MPI: variants seen among roughly 807,000 people sequenced by gnomAD.
MPI encodes mannose phosphate isomerase.
A neutral mutation model predicts 40.1 loss-of-function variants in MPI; 33 were observed. That is an observed-to-expected ratio of 0.82 (90% CI 0.62 to 1.10). MPI has a LOEUF of 1.10. Ranked by LOEUF, MPI falls within the 50% of genes least tolerant of loss-of-function variation. The pLI is 0.00. For missense variants in MPI, 514 were observed against 524.1 expected, an observed-to-expected ratio of 0.98 and a Z score of 0.19; for synonymous variants, 187 against 207.4, an observed-to-expected ratio of 0.90 and a Z score of 0.85.
chr15:74,893,033 G>T, intron 4 of MPI, 105 bp from the exon 5 acceptor site: 1 of 1,479,932 alleles, frequency 6.8e-7, no homozygotes. Context: ...AGCATTGCCG[G>T]CTCTTTGGTT....
Position 74,898,447 on chromosome 15 carries a change from T to G in MPI, c.*717T>G, listed in dbSNP as rs2064855981. The G allele has an allele frequency of 6.1e-6, 1 of 163,556 alleles. No individual in the cohort carries two copies. 10.1% of individuals were successfully genotyped at this position (163,556 alleles called of 1,614,324 possible). Reference sequence around the variant, plus strand: ...ACAGCTTGCAAGCAGGCCTTGGGTCTGCCCAGAGGCACAGCTTGCAAGCAG... The same window carrying G: ...ACAGCTTGCAAGCAGGCCTTGGGTCGGCCCAGAGGCACAGCTTGCAAGCAG... On this transcript the variant is annotated 3_prime_UTR_variant, in exon 8 of 8. Transcript: ENST00000352410.
At position 74,897,251 on chromosome 15, in the gene MPI, TG is replaced by T. The variant is rs750352284; in HGVS notation, c.1053+33del. On this transcript the variant is annotated intron_variant, in intron 7 of 7. Coordinates refer to ENST00000352410, the MANE Select transcript of MPI (RefSeq NM_002435.3). ...GAGGGGCTATGATGGGTGTCCTTCG[TG>T]TGCCATGAAAATCTCTGGCAAGGGT... 5.0e-6 allele frequency: 8 copies of T among 1,606,864 alleles called. No individual in the cohort carries two copies. In the African/African-American group the frequency reaches 1.1e-4, roughly 21 times the overall value.
intron 6 of MPI, 57 bp downstream of exon 6, chr15:74,896,382 T>C: frequency 6.3e-7 from 1 of 1,598,984 alleles, no homozygotes; most frequent in East Asian, 2.2e-5. Context: ...CCTGTTTCCC[T>C]ATCTGGACAA....
At chr15:74,895,374 C>G (rs1370652227) in intron 5 of MPI, 1 of 151,404 alleles carries the variant, frequency 6.6e-6, no homozygotes. Context: ...GGGAGGATCC[C>G]TTGAGTTCAG....
At chr15:74,890,760 G>T in intron 2 of MPI, 106 bp downstream of exon 2, 1 of 1,525,906 alleles carries the variant, frequency 6.6e-7, no homozygotes, top group Non-Finnish European at 9.0e-7. Flanking sequence ...CAAGGAGGGA[G>T]GAGACCCACT....
At position 74,899,509 on chromosome 15, in the gene MPI, T is replaced by C. The variant is rs2064873729; in HGVS notation, c.*1779T>C. On this transcript the variant is annotated 3_prime_UTR_variant, in exon 8 of 8. Coordinates refer to ENST00000352410, the MANE Select transcript of MPI (RefSeq NM_002435.3). ...AGCCTATTTCACTCATGCCGTCCAG[T>C]GAAACAGGCCCGAAAGTGATGCCCA... is the stretch of plus-strand genomic sequence containing the variant. The C allele has an allele frequency of 6.6e-6, 1 of 152,182 alleles. No individual in the cohort carries two copies. The highest frequency in any genetic ancestry group is 1.5e-5 in the Non-Finnish European group (1 of 68,036). The allele number at this position is 152,182 out of a possible 1,614,324, so 9.4% of individuals were successfully genotyped here.
At chr15:74,897,486 C>T in intron 7 of MPI, 26 bp from the exon 8 acceptor site, 1 of 1,608,430 alleles carries the variant, frequency 6.2e-7, no homozygotes, top group Non-Finnish European at 8.5e-7. Context: ...CTGAGCTGCA[C>T]TGCCTTATCA....
chr15:74,897,717 G>A lies in MPI; in HGVS notation c.1259G>A (p.Cys420Tyr), dbSNP rs776052964. ...EPKDLLIFRA[C>Y]CLL The stretch of plus-strand genomic sequence containing the variant: ...AAGGACCTGCTGATATTCCGTGCCT[G>A]CTGTCTGCTGTAAAGGCTGCAGCCT... The change falls in exon 8 of 8, where the codon TGC becomes TAC. Residue 420 changes from cysteine (C) to tyrosine (Y), a missense_variant. Physicochemically the swap from Cys to Tyr is radical, Grantham distance 194. Coordinates refer to ENST00000352410, the MANE Select transcript of MPI (RefSeq NM_002435.3). 6.2e-7 allele frequency: 1 copy of A among 1,613,816 alleles called. No homozygotes were observed. Among genetic ancestry groups the A allele is most frequent in the Non-Finnish European group, 8.5e-7 (1 of 1,179,998 alleles).
chr15:74,898,244 G>GGCGACCACCGAGATCTA lies in MPI; in HGVS notation c.*514_*515insGCGACCACCGAGATCTA. The GGCGACCACCGAGATCTA allele has an allele frequency of 4.3e-6, 1 of 230,002 alleles. No homozygotes were observed. The highest frequency in any genetic ancestry group is 8.8e-6 in the Non-Finnish European group (1 of 113,664). The allele number at this position is 230,002 out of a possible 1,614,324, so 14.2% of individuals were successfully genotyped here. On this transcript the variant is annotated 3_prime_UTR_variant, in exon 8 of 8. Transcript: ENST00000352410. Reference sequence around the variant, plus strand: ...TTGTGTTGAGGCTGTGGGGTAATGAGCACTCAGCCTTTGGGGTACCTGTTC... The same window carrying GGCGACCACCGAGATCTA: ...TTGTGTTGAGGCTGTGGGGTAATGAGGCGACCACCGAGATCTACACTCAGCCTTTGGGGTACCTGTTC...
chr15:74,890,740 G>A, intron 2 of MPI, 86 bp downstream of exon 2: 2 of 1,592,854 alleles, frequency 1.3e-6, no homozygotes, highest in Non-Finnish European at 1.7e-6. Context: ...AGCTGGGAAG[G>A]GTGAGGCAGC....
At chr15:74,896,511 C>T (rs1057214254) in intron 6 of MPI, 186 bp downstream of exon 6, 33 of 723,670 alleles carry the variant, frequency 4.6e-5, no homozygotes, top group African/African-American at 1.0e-4. Flanking sequence ...GCATTGAACA[C>T]GCCTTGAATC....
rs1161226246 is a variant in MPI, at chr15:74,901,775, A to G, written c.*4045A>G. The G allele has an allele frequency of 3.3e-5, 8 of 242,612 alleles. No homozygotes were observed. The highest frequency in any genetic ancestry group is 1.3e-4 in the African/African-American group (6 of 45,046). 15.0% of individuals were successfully genotyped at this position (242,612 alleles called of 1,614,324 possible). A position where few individuals can be genotyped will look rare whatever the true frequency, so the allele number is the denominator to read the frequency against. On this transcript the variant is annotated 3_prime_UTR_variant, in exon 8 of 8. Coordinates refer to ENST00000352410, the MANE Select transcript of MPI (RefSeq NM_002435.3). ...CTCCCTGTAGCTCCCTCTGCTGGTA[A>G]TAATAAAAACTGCAGGCTTCTGGGG...
Position 74,897,735 on chromosome 15 carries a change from T to A in MPI, c.*5T>A. 1 of 1,613,048 alleles carries A rather than the reference T, an allele frequency of 6.2e-7. No homozygotes were observed. Among genetic ancestry groups the A allele is most frequent in the Non-Finnish European group, 8.5e-7 (1 of 1,179,568 alleles). ...CGTGCCTGCTGTCTGCTGTAAAGGCTGCAGCCTCCCCAGCTCTCCTCTGCC... is the reference window on the plus strand; with the variant it reads ...CGTGCCTGCTGTCTGCTGTAAAGGCAGCAGCCTCCCCAGCTCTCCTCTGCC... On this transcript the variant is annotated 3_prime_UTR_variant, in exon 8 of 8. Coordinates refer to ENST00000352410, the MANE Select transcript of MPI (RefSeq NM_002435.3).
rs906781914 is a variant in MPI, at chr15:74,892,653, C to T, written c.346-8C>T. 3 of 1,614,088 alleles carry T rather than the reference C, an allele frequency of 1.9e-6. No individual in the cohort carries two copies. The highest frequency in any genetic ancestry group is 4.5e-5 in the East Asian group (2 of 44,884). ...CACCATCCTCCTCTTCCCCTGGCCA[C>T]CCCACAGGAGCTGGCAGAGAAGCTG... On this transcript the variant is annotated splice_polypyrimidine_tract_variant and splice_region_variant and intron_variant, in intron 3 of 7. Transcript: ENST00000352410.
In MPI at chr15:74,893,287, C is replaced by T; in HGVS notation, c.637C>T (p.Leu213Phe). The T allele has an allele frequency of 1.2e-6, 2 of 1,614,226 alleles. No homozygotes were observed. Among genetic ancestry groups the T allele is most frequent in the Non-Finnish European group, 1.7e-6 (2 of 1,180,032 alleles). Reference protein sequence around the residue: ...KSEKKVVVEQLNLLVKRISQQ... With the variant: ...KSEKKVVVEQFNLLVKRISQQ... Reference sequence around the variant, plus strand: ...TGAGAAGAAGGTGGTGGTGGAACAGCTCAACCTGTTGGTGAAGCGGATCTC... The same window carrying T: ...TGAGAAGAAGGTGGTGGTGGAACAGTTCAACCTGTTGGTGAAGCGGATCTC... Residue 213 changes from leucine to phenylalanine, a missense_variant, in exon 5 of 8, where the codon CTC becomes TTC. Coordinates refer to ENST00000352410, the MANE Select transcript of MPI (RefSeq NM_002435.3).
chr15:74,890,185 A>T, intron 1 of MPI, 96 bp downstream of exon 1: 1 of 1,538,632 alleles, frequency 6.5e-7, no homozygotes, highest in African/African-American at 1.4e-5. Flanking sequence ...CGCTCCTGGC[A>T]TTCCGCGGAA....
At chr15:74,890,201 G>C (rs754130855) in intron 1 of MPI, 112 bp downstream of exon 1, 2 of 1,475,284 alleles carry the variant, frequency 1.4e-6, no homozygotes, top group South Asian at 2.3e-5. Flanking sequence ...CGGAAAGATG[G>C]GTGGGTGCCG....
chr15:74,897,886 A>T lies in MPI; in HGVS notation c.*156A>T. The T allele has an allele frequency of 1.4e-6, 1 of 739,004 alleles. No individual in the cohort carries two copies. Among genetic ancestry groups the T allele is most frequent in the Non-Finnish European group, 2.4e-6 (1 of 421,400 alleles). The allele number at this position is 739,004 out of a possible 1,614,324, so 45.8% of individuals were successfully genotyped here. ...GGGAGGAGGGAGCGTGAAGGTAGTGACTCCTGAACACACCCAGGTGGAACC... is the reference window on the plus strand; with the variant it reads ...GGGAGGAGGGAGCGTGAAGGTAGTGTCTCCTGAACACACCCAGGTGGAACC... On this transcript the variant is annotated 3_prime_UTR_variant, in exon 8 of 8. Coordinates refer to ENST00000352410, the MANE Select transcript of MPI (RefSeq NM_002435.3).
In MPI at chr15:74,897,927, A is replaced by G; in HGVS notation, c.*197A>G. 1 of 659,450 alleles carries G rather than the reference A, an allele frequency of 1.5e-6. No homozygotes were observed. Among genetic ancestry groups the G allele is most frequent in the Non-Finnish European group, 2.8e-6 (1 of 362,146 alleles). The allele number at this position is 659,450 out of a possible 1,614,324, so 40.8% of individuals were successfully genotyped here. ...AGGTGGAACCATCTTTGGGGAGGAGAGGCCCGTGTGAGGGGTCTGATACTC... is the reference window on the plus strand; with the variant it reads ...AGGTGGAACCATCTTTGGGGAGGAGGGGCCCGTGTGAGGGGTCTGATACTC... On this transcript the variant is annotated 3_prime_UTR_variant, in exon 8 of 8. Transcript: ENST00000352410.
Sources: allele counts gnomAD v4.1 joint callset, GRCh38; gene constraint gnomAD v4.1.1; transcripts MANE v1.5; gene names NCBI Gene and HGNC (gene_info 2026-07-23, HGNC 2026-07-21).